PDE1C: variants seen among roughly 807,000 people sequenced by gnomAD.
PDE1C encodes dual specificity calcium/calmodulin-dependent 3',5'-cyclic nucleotide phosphodiesterase 1C.
PDE1C carries 62 observed loss-of-function variants against 93.1 expected under a neutral mutation model. That is an observed-to-expected ratio of 0.67 (90% confidence interval 0.54 to 0.82). PDE1C has a LOEUF of 0.82. PDE1C is among the 40% of genes least tolerant of loss of function. The probability of loss-of-function intolerance (pLI) is 0.00; values close to 1 mark genes in which losing one functional copy is unlikely to be tolerated. For synonymous variants in PDE1C, 325 were observed against 310.1 expected (o/e 1.05, Z -0.50); for missense variants, 742 against 884.6 (o/e 0.84, Z 2.04).
At chr7:32,417,161 A>G (rs1785291810) in intron 1 of PDE1C, among the ~76,000 whole-genome samples, 1 of 152,200 alleles carries the variant, frequency 6.6e-6, no homozygotes, top group Admixed American at 6.5e-5. Flanking sequence ...GAGCATAGTC[A>G]GTTCTGTGGC....
chr7:32,339,147 C>T (rs1194667466), intron 1 of PDE1C, among the ~76,000 whole-genome samples: 1 of 151,794 alleles, frequency 6.6e-6, no homozygotes, highest in Non-Finnish European at 1.5e-5. Context: ...GCTGTGATAT[C>T]AATGAACCTT....
intron 2 of PDE1C, among the ~76,000 whole-genome samples, chr7:31,902,575 T>C (rs904820789): frequency 2.0e-5 from 3 of 151,970 alleles, no homozygotes; most frequent in Admixed American, 6.6e-5. Context: ...TAGTTATTCA[T>C]CTAATAAAAT....
chr7:31,833,927 G>A (rs1790748128), intron 11 of PDE1C, among the ~76,000 whole-genome samples: 1 of 152,236 alleles, frequency 6.6e-6, no homozygotes, highest in African/African-American at 2.4e-5. Flanking sequence ...CACAGACCAA[G>A]AGGCCTAGGA....
chr7:32,278,646 G>C (rs565525730), intron 1 of PDE1C, among the ~76,000 whole-genome samples: 1 of 152,362 alleles, frequency 6.6e-6, no homozygotes, highest in South Asian at 2.1e-4. Context: ...GACTTCTCCA[G>C]TGCTGGACTA....
In PDE1C at chr7:31,816,140, T is replaced by G. The variant is rs192561946; in HGVS notation, c.1597A>C (p.Lys533Gln). The G allele has an allele frequency of 7.4e-6, 12 of 1,613,788 alleles. No individual in the cohort carries two copies. In the Admixed American group the frequency reaches 1.2e-4, roughly 16 times the overall value. Reference sequence around the variant, plus strand: ...AGGCGAGCCTTTTCCTCTGCTTCCTTCTTGGCCTTCTCCTCTGCATCCATG... The same window carrying G: ...AGGCGAGCCTTTTCCTCTGCTTCCTGCTTGGCCTTCTCCTCTGCATCCATG... The part of the protein sequence containing the change: ...AKVPKEEKAK[K>Q]EAEEKARLAA... The change falls in exon 15 of 18, where the codon AAG becomes CAG. Residue 533 changes from lysine (K) to glutamine (Q), a missense_variant. Physicochemically the swap from Lys to Gln is moderately conservative, Grantham distance 53 (BLOSUM62 1). Coordinates refer to ENST00000396191, the MANE Select transcript of PDE1C (RefSeq NM_001191057.4).
chr7:31,954,694 A>G (rs1286883156), intron 2 of PDE1C, among the ~76,000 whole-genome samples: 1 of 152,216 alleles, frequency 6.6e-6, no homozygotes, highest in Non-Finnish European at 1.5e-5. Context: ...AAACCACCAT[A>G]GGTTGGTGCA....
intron 2 of PDE1C, among the ~76,000 whole-genome samples, chr7:32,177,252 G>T (rs1390917448): frequency 6.6e-6 from 1 of 152,168 alleles, no homozygotes; most frequent in Non-Finnish European, 1.5e-5. Flanking sequence ...TCTTTTGGAA[G>T]TGATTCCAGG....
chr7:31,960,533 A>G (rs1808795597), intron 2 of PDE1C, among the ~76,000 whole-genome samples: 1 of 152,238 alleles, frequency 6.6e-6, no homozygotes, highest in Non-Finnish European at 1.5e-5. Flanking sequence ...TGTAAAGTAG[A>G]TAACAGTATT....
chr7:32,368,914 A>G (rs190047771), intron 1 of PDE1C, among the ~76,000 whole-genome samples: 7 of 152,282 alleles, frequency 4.6e-5, no homozygotes, highest in Admixed American at 4.6e-4. Flanking sequence ...CTCATCAACA[A>G]ATGGTGCTGG....
intron 11 of PDE1C, among the ~76,000 whole-genome samples, chr7:31,834,639 G>A (rs1790833998): frequency 6.6e-6 from 1 of 151,778 alleles, no homozygotes; most frequent in Admixed American, 6.6e-5. Context: ...ATTTGAAATG[G>A]CTGTATTTAC....
At chr7:31,652,755 GC>G in the PDE1C span, 1 of 1,613,942 alleles carries the variant, frequency 6.2e-7, no homozygotes, top group Non-Finnish European at 8.5e-7. Flanking sequence ...TTCATCATCA[GC>G]TTGGGCAAAG....
chr7:32,055,835 C>T (rs1233740053), intron 1 of PDE1C, among the ~76,000 whole-genome samples: 2 of 152,182 alleles, frequency 1.3e-5, no homozygotes, highest in Non-Finnish European at 2.9e-5. Context: ...ATTCTCCTGC[C>T]TCAGCCTCTG....
At chr7:32,076,478 G>GAA (rs1035940293) in intron 3 of PDE1C, among the ~76,000 whole-genome samples, 1 of 151,228 alleles carries the variant, frequency 6.6e-6, no homozygotes, top group Non-Finnish European at 1.5e-5. Flanking sequence ...CCATCTCTAC[G>GAA]AAAAAAATAT....
intron 1 of PDE1C, among the ~76,000 whole-genome samples, chr7:32,059,540 C>A (rs1227485057): frequency 6.6e-6 from 1 of 152,184 alleles, no homozygotes; most frequent in Non-Finnish European, 1.5e-5. Context: ...CTGCAGACAG[C>A]TGGCCAGAAA....
intron 1 of PDE1C, among the ~76,000 whole-genome samples, chr7:32,306,311 C>T (rs2128903302): frequency 6.6e-6 from 1 of 152,330 alleles, no homozygotes; most frequent in Non-Finnish European, 1.5e-5. Context: ...CAAAGCCTCA[C>T]TCTTCCAATC....
intron 3 of PDE1C, among the ~76,000 whole-genome samples, chr7:32,088,327 T>C (rs983575201): frequency 4.6e-5 from 7 of 152,218 alleles, no homozygotes; most frequent in African/African-American, 4.8e-5. Context: ...TAAGAGTTTA[T>C]CAGAGTTTGC....
At chr7:31,635,480 A>G in the PDE1C span, among the ~76,000 whole-genome samples, 1 of 152,178 alleles carries the variant, frequency 6.6e-6, no homozygotes, top group Non-Finnish European at 1.5e-5. Flanking sequence ...GAGGTTCCCA[A>G]TGTCTGATTT....
At chr7:31,637,040 C>T in the PDE1C span, among the ~76,000 whole-genome samples, 1 of 151,984 alleles carries the variant, frequency 6.6e-6, no homozygotes, top group African/African-American at 2.4e-5. Context: ...CCAGCTTCAT[C>T]CATGTCCCTA....
chr7:32,099,415 A>ATG (rs1797934293), intron 3 of PDE1C, among the ~76,000 whole-genome samples: 1 of 152,192 alleles, frequency 6.6e-6, no homozygotes, highest in Non-Finnish European at 1.5e-5. Context: ...GTCTTCACCT[A>ATG]TGTCTTACTC....
Sources: allele counts gnomAD v4.1 joint callset (sites outside exome capture counted in the v4.1 genomes callset), GRCh38; gene constraint gnomAD v4.1.1; transcripts MANE v1.5; gene names NCBI Gene and HGNC (gene_info 2026-07-23, HGNC 2026-07-21).